Variants in ZCWPW2 observed in about 807,000 individuals in gnomAD.
The protein encoded by ZCWPW2 is zinc finger CW-type and PWWP domain containing 2, also known as zinc finger CW-type PWWP domain protein 2.
ZCWPW2 carries 45 observed loss-of-function variants against 46.6 expected under a neutral mutation model. That is an observed-to-expected ratio of 0.96 (90% CI 0.76 to 1.24). The LOEUF (loss-of-function observed/expected upper bound fraction) is 1.24, where lower values mean the gene tolerates loss of function less well. Among genes scored for constraint, ZCWPW2 ranks in the 50% most tolerant of loss-of-function variants. The pLI is 0.00. For synonymous variants in ZCWPW2, 152 were observed against 137.1 expected, an observed-to-expected ratio of 1.11 and a Z score of -0.76; for missense variants, 429 against 403.9, an observed-to-expected ratio of 1.06 and a Z score of -0.53.
intron 4 of ZCWPW2, among the ~76,000 whole-genome samples, chr3:28,474,745 A>G (rs1053418620): frequency 6.6e-6 from 1 of 152,082 alleles, no homozygotes; most frequent in African/African-American, 2.4e-5. Context: ...CTCCACCTCG[A>G]TGTCATAATT....
rs141289531 is a variant in ZCWPW2, at chr3:28,386,412, T to C, written c.-133-4086T>C. ...AAGAAAATTAATAAGTTGTTTAAGT[T>C]ATCCAGTCTGTGATATTTTGTTATT... is the stretch of plus-strand genomic sequence containing the variant. On this transcript the variant is annotated intron_variant, in intron 1 of 9. Coordinates refer to ENST00000383768, the MANE Select transcript of ZCWPW2 (RefSeq NM_001040432.4). Among the ~76,000 whole-genome samples the C allele has an allele frequency of 3.9e-5, 6 of 152,306 alleles. No individual in the cohort carries two copies. The East Asian group carries it at 1.2e-3, about 29-fold the overall frequency.
chr3:28,515,509 C>A (rs1700536409), intron 7 of ZCWPW2, 45 bp from the exon 8 acceptor site: 3 of 1,406,532 alleles, frequency 2.1e-6, no homozygotes, highest in Middle Eastern at 1.8e-4. Flanking sequence ...TTTAAATATT[C>A]ATGATTGATC....
intron 9 of ZCWPW2, among the ~76,000 whole-genome samples, chr3:28,524,310 A>G (rs940172476): frequency 1.3e-5 from 2 of 152,056 alleles, no homozygotes; most frequent in African/African-American, 2.4e-5. Context: ...CTAAAAATGT[A>G]TAAGGCTGGG....
intron 1 of ZCWPW2, among the ~76,000 whole-genome samples, chr3:28,378,420 T>C (rs1472730308): frequency 6.6e-6 from 1 of 152,098 alleles, no homozygotes; most frequent in Non-Finnish European, 1.5e-5. Context: ...AAAAGCAGTC[T>C]AGAAAGTAAA....
intron 2 of ZCWPW2, among the ~76,000 whole-genome samples, chr3:28,412,133 G>A (rs73825154): frequency 8.4e-4 from 127 of 151,906 alleles, no homozygotes; most frequent in African/African-American, 3.0e-3. Flanking sequence ...GGATAGTATG[G>A]TACATTAGTC....
chr3:28,366,520 T>C (rs982953050), intron 1 of ZCWPW2, among the ~76,000 whole-genome samples: 4 of 131,878 alleles, frequency 3.0e-5, no homozygotes, highest in African/African-American at 8.9e-5. Flanking sequence ...ATAAGCTTTT[T>C]GATGTGCTGC....
intron 3 of ZCWPW2, among the ~76,000 whole-genome samples, chr3:28,421,300 C>T (rs1461457310): frequency 6.6e-6 from 1 of 152,050 alleles, no homozygotes; most frequent in African/African-American, 2.4e-5. Context: ...GTGGGAGGGT[C>T]TTATTAACCC....
intron 3 of ZCWPW2, among the ~76,000 whole-genome samples, chr3:28,425,213 A>G (rs1412554625): frequency 6.6e-6 from 1 of 152,192 alleles, no homozygotes; most frequent in South Asian, 2.1e-4. Context: ...AATAAGCTGT[A>G]TCTACCTTCT....
chr3:28,427,847 A>G (rs1185696801), intron 3 of ZCWPW2: 2 of 152,228 alleles, frequency 1.3e-5, no homozygotes, highest in African/African-American at 4.8e-5. Flanking sequence ...TTGCTTGACA[A>G]TAATCCTTTT....
At chr3:28,416,877 T>C (rs1431384122) in intron 3 of ZCWPW2, among the ~76,000 whole-genome samples, 2 of 130,870 alleles carry the variant, frequency 1.5e-5, no homozygotes, top group Admixed American at 8.3e-5. Context: ...CACTTGATCA[T>C]GGTGGATAAG....
At chr3:28,411,877 T>A (rs1192620426) in intron 2 of ZCWPW2, among the ~76,000 whole-genome samples, 1 of 152,124 alleles carries the variant, frequency 6.6e-6, no homozygotes, top group Non-Finnish European at 1.5e-5. Flanking sequence ...TGAAAAACAG[T>A]GTTACACTGA....
At chr3:28,516,186 G>A (rs962674546) in intron 8 of ZCWPW2, among the ~76,000 whole-genome samples, 5 of 150,016 alleles carry the variant, frequency 3.3e-5, no homozygotes, top group African/African-American at 1.2e-4. Context: ...GTTGCAGTGA[G>A]CCGAGATCAC....
intron 1 of ZCWPW2, among the ~76,000 whole-genome samples, chr3:28,352,260 T>G (rs1704582197): frequency 6.6e-6 from 1 of 152,120 alleles, no homozygotes; most frequent in South Asian, 2.1e-4. Context: ...GTCTCTGAAC[T>G]GGGCAACATA....
chr3:28,422,215 A>G (rs1478220624), intron 3 of ZCWPW2, among the ~76,000 whole-genome samples: 1 of 152,142 alleles, frequency 6.6e-6, no homozygotes, highest in South Asian at 2.1e-4. Context: ...ATCATTATCA[A>G]TGAAGTCCAT....
chr3:28,397,491 G>A (rs143940410), intron 2 of ZCWPW2, among the ~76,000 whole-genome samples: 3,092 of 152,198 alleles, frequency 0.02, 38 homozygotes, highest in Non-Finnish European at 0.029. Flanking sequence ...CCAACATGGC[G>A]AGACCCTGTC....
At chr3:28,352,166 AC>A (rs1327607809) in intron 1 of ZCWPW2, among the ~76,000 whole-genome samples, 11 of 101,078 alleles carry the variant, frequency 1.1e-4, no homozygotes, top group African/African-American at 2.9e-4. Flanking sequence ...ACACACACAC[AC>A]GAGAGAGAAT....
intron 3 of ZCWPW2, among the ~76,000 whole-genome samples, chr3:28,433,354 A>G (rs1230779801): frequency 1.3e-5 from 2 of 152,154 alleles, no homozygotes; most frequent in Admixed American, 6.5e-5. Flanking sequence ...GATCTAATCT[A>G]GTGGAAAACA....
intron 1 of ZCWPW2, among the ~76,000 whole-genome samples, chr3:28,353,749 G>T (rs1704635311): frequency 6.6e-6 from 1 of 152,114 alleles, no homozygotes; most frequent in African/African-American, 2.4e-5. Flanking sequence ...GATTTTTCTG[G>T]CAGAAACATG....
At chr3:28,507,018 T>C (rs984293051) in intron 6 of ZCWPW2, among the ~76,000 whole-genome samples, 2 of 152,178 alleles carry the variant, frequency 1.3e-5, no homozygotes, top group African/African-American at 2.4e-5. Context: ...CAAATATTTA[T>C]TGTTTACACC....
Sources: gnomAD v4.1 joint callset for allele counts (sites outside exome capture counted in the v4.1 genomes callset) on GRCh38, gnomAD v4.1.1 for gene constraint, MANE v1.5 for transcripts, NCBI Gene and HGNC (gene_info 2026-07-23, HGNC 2026-07-21) for gene names.